MAPK14: variants seen among roughly 807,000 people sequenced by gnomAD.
MAPK14 encodes the protein CSAID-binding protein.
Under a neutral mutation model 49.6 loss-of-function variants are expected in MAPK14, and 16 were observed. The ratio of observed to expected loss-of-function variants is 0.32; its 90% confidence interval spans 0.22 to 0.49. The LOEUF (loss-of-function observed/expected upper bound fraction) is 0.49, where lower values mean the gene tolerates loss of function less well. Among genes scored for constraint, MAPK14 ranks in the 20% least tolerant of loss-of-function variants. The pLI, the probability that MAPK14 is intolerant of heterozygous loss-of-function variation, is 0.99. For synonymous variants in MAPK14, 142 were observed against 158.0 expected, an observed-to-expected ratio of 0.90 and a Z score of 0.76; for missense variants, 200 against 441.2, an observed-to-expected ratio of 0.45 and a Z score of 4.90.
intron 3 of MAPK14, among the ~76,000 whole-genome samples, chr6:36,061,966 A>G (rs187870723): frequency 6.6e-6 from 1 of 152,096 alleles, no homozygotes; most frequent in African/African-American, 2.4e-5. Context: ...GTTCGACTAT[A>G]GTTATTTCAG....
intron 4 of MAPK14, among the ~76,000 whole-genome samples, chr6:36,073,332 G>A (rs1295542201): frequency 6.6e-6 from 1 of 152,116 alleles, no homozygotes; most frequent in East Asian, 1.9e-4. Flanking sequence ...CTAATATCTG[G>A]TCAGCGTAAT....
the MAPK14 span, among the ~76,000 whole-genome samples, chr6:36,121,267 G>T: frequency 6.6e-6 from 1 of 152,200 alleles, no homozygotes; most frequent in African/African-American, 2.4e-5. Context: ...AGACTAAGAA[G>T]TTTAATCTTT....
At chr6:36,067,883 A>G (rs1005879265) in intron 3 of MAPK14, among the ~76,000 whole-genome samples, 2 of 152,150 alleles carry the variant, frequency 1.3e-5, no homozygotes, top group African/African-American at 2.4e-5. Context: ...TGTTCTCGGT[A>G]CTTTAGATAC....
chr6:36,090,324 CTCTT>C (rs1765168733), intron 8 of MAPK14, among the ~76,000 whole-genome samples: 1 of 151,802 alleles, frequency 6.6e-6, no homozygotes. Flanking sequence ...GTTTCAAATA[CTCTT>C]TCTTTTTTTT....
chr6:36,086,081 C>T (rs1428613457), intron 8 of MAPK14, among the ~76,000 whole-genome samples: 8 of 152,044 alleles, frequency 5.3e-5, no homozygotes, highest in Non-Finnish European at 4.4e-5. Flanking sequence ...GAAATTAAGG[C>T]GGAAATCAGA....
rs765632564 is a variant in MAPK14 at position 36,107,674 on chromosome 6, GC to G, written c.1015+47del. ...TAACATCTTGAACCACTAACCAAAAGCGGTGGGAAAAATAAAAACTGAATGG... is the reference window on the plus strand; with the variant it reads ...TAACATCTTGAACCACTAACCAAAAGGGTGGGAAAAATAAAAACTGAATGG... On this transcript the variant is annotated intron_variant, in intron 11 of 11. Coordinates refer to ENST00000229794, the MANE Select transcript of MAPK14 (RefSeq NM_139012.3). This position sits in a 1 kb window ranked among gnomAD's most constrained non-coding sequence, Gnocchi z 4.3. 2 of 1,413,356 alleles carry G rather than the reference GC, an allele frequency of 1.4e-6. No homozygotes were observed. The highest frequency in any genetic ancestry group is 5.1e-5 in the Admixed American group (2 of 39,564). The allele number at this position is 1,413,356 out of a possible 1,614,324, so 87.6% of individuals were successfully genotyped here.
In MAPK14 at chr6:36,028,654, C is replaced by A. The variant is rs956815422; in HGVS notation, c.116+381C>A. 6.6e-6 allele frequency among the ~76,000 whole-genome samples: 1 copy of A among 152,202 alleles called. No homozygotes were observed. Among genetic ancestry groups the A allele is most frequent in the African/African-American group, 2.4e-5 (1 of 41,458 alleles). ...GAAGGACCCTCTCCCGTGATGCGCC[C>A]ACGCTGGGGCTCCGGACCCTGGGTC... On this transcript the variant is annotated intron_variant, in intron 1 of 11. Coordinates refer to ENST00000229794, the MANE Select transcript of MAPK14 (RefSeq NM_139012.3). The surrounding 1 kb of genome is among the most constrained non-coding windows in gnomAD (Gnocchi z 5.1).
intron 1 of MAPK14, among the ~76,000 whole-genome samples, chr6:36,044,989 G>A (rs1415635247): frequency 1.3e-5 from 2 of 151,870 alleles, no homozygotes; most frequent in Non-Finnish European, 2.9e-5. Context: ...AATAATTAGC[G>A]AAGCTTGGTG....
rs748617355 is a variant in MAPK14 at position 36,102,487 on chromosome 6, C to T, written c.763-84C>T. 260 of 1,019,804 alleles carry T rather than the reference C, an allele frequency of 2.5e-4. 4 individuals carry two copies. The highest frequency in any genetic ancestry group is 1.8e-3 in the South Asian group (138 of 75,634). The allele number at this position is 1,019,804 out of a possible 1,614,324, so 63.2% of individuals were successfully genotyped here. ...TTAGTGGACTTTGTCAGTTAACACT[C>T]GTTCCTTAGCAGGACCAAGATTCTT... On this transcript the variant is annotated intron_variant, in intron 9 of 11. Transcript: ENST00000229794.
chr6:36,094,550 T>G (rs1255000882), intron 8 of MAPK14, among the ~76,000 whole-genome samples: 1 of 152,268 alleles, frequency 6.6e-6, no homozygotes, highest in Non-Finnish European at 1.5e-5. Context: ...AATTACTGCA[T>G]TAAGTTATTC....
chr6:36,074,211 A>T (rs1764427045), intron 6 of MAPK14, 115 bp downstream of exon 6: 6 of 638,558 alleles, frequency 9.4e-6, no homozygotes, highest in Non-Finnish European at 1.6e-5. Context: ...TGAAATTCGT[A>T]TTATTTTTAT....
chr6:36,088,772 A>C (rs942098226), intron 8 of MAPK14, among the ~76,000 whole-genome samples: 1 of 152,212 alleles, frequency 6.6e-6, no homozygotes. Flanking sequence ...ACTTCTCAAA[A>C]GAAGACATTT....
chr6:36,070,579 C>G (rs533223198), intron 3 of MAPK14, among the ~76,000 whole-genome samples: 1 of 152,276 alleles, frequency 6.6e-6, no homozygotes, highest in South Asian at 2.1e-4. Flanking sequence ...ACGTTTCAGT[C>G]TCATTTACTT....
intron 8 of MAPK14, among the ~76,000 whole-genome samples, chr6:36,080,829 C>A (rs1482768803): frequency 6.6e-6 from 1 of 152,038 alleles, no homozygotes; most frequent in African/African-American, 2.4e-5. Context: ...ATGAGGATTC[C>A]TGTATCTCCA....
the MAPK14 span, among the ~76,000 whole-genome samples, chr6:36,120,114 A>T: frequency 5.3e-5 from 8 of 152,276 alleles, no homozygotes; most frequent in African/African-American, 1.9e-4. Flanking sequence ...TGCTTGATCA[A>T]TCGGGGCCTC....
At chr6:36,064,660 A>G (rs1402319912) in intron 3 of MAPK14, among the ~76,000 whole-genome samples, 3 of 152,248 alleles carry the variant, frequency 2.0e-5, no homozygotes, top group Non-Finnish European at 4.4e-5. Context: ...TTTCAATGTA[A>G]AAGTTGCTGA....
At chr6:36,049,852 C>T (rs1217102246) in intron 1 of MAPK14, among the ~76,000 whole-genome samples, 3 of 152,082 alleles carry the variant, frequency 2.0e-5, no homozygotes, top group Admixed American at 2.0e-4. Context: ...TAAGCAGGGG[C>T]ATATTCTTAG....
chr6:36,073,575 T>C, intron 4 of MAPK14, 116 bp from the exon 5 acceptor site: 1 of 773,136 alleles, frequency 1.3e-6, no homozygotes, highest in South Asian at 1.7e-5. Context: ...TGCTGATTTC[T>C]AATCTTACTA....
chr6:36,032,800 C>T (rs1002455885), intron 1 of MAPK14, among the ~76,000 whole-genome samples: 2 of 152,170 alleles, frequency 1.3e-5, no homozygotes, highest in African/African-American at 2.4e-5. Flanking sequence ...TAGCATTGTG[C>T]TGTGCACTTT....
Sources: allele counts gnomAD v4.1 joint callset (sites outside exome capture counted in the v4.1 genomes callset), GRCh38; gene constraint gnomAD v4.1.1; non-coding constraint Gnocchi (gnomAD v3.1); transcripts MANE v1.5; gene names NCBI Gene and HGNC (gene_info 2026-07-23, HGNC 2026-07-21).